Variants in ARIH1 observed in about 807,000 individuals in gnomAD.
ARIH1 encodes the protein E3 ubiquitin-protein ligase ARIH1.
A neutral mutation model predicts 85.0 loss-of-function variants in ARIH1; 8 were observed. The observed-to-expected ratio is 0.09, with a 90% CI of 0.06 to 0.17. The LOEUF is 0.17. ARIH1 is among the 10% of genes least tolerant of loss of function. ARIH1 has a pLI of 1.00. For synonymous variants in ARIH1, 238 were observed against 253.6 expected (o/e 0.94, Z 0.59); for missense variants, 311 against 718.1 (o/e 0.43, Z 6.48).
chr15:72,521,537 A>G (rs1419134223), intron 2 of ARIH1, among the ~76,000 whole-genome samples: 4 of 150,804 alleles, frequency 2.7e-5, no homozygotes, highest in Admixed American at 2.0e-4. Flanking sequence ...ATCTCTTTCC[A>G]TGTCTTCTAA....
chr15:72,494,587 A>G (rs2063872318), intron 1 of ARIH1, among the ~76,000 whole-genome samples: 1 of 152,138 alleles, frequency 6.6e-6, no homozygotes, highest in African/African-American at 2.4e-5. Flanking sequence ...TGCTGTTGAG[A>G]TGGACTTAAT....
At position 72,598,350 on chromosome 15, in the gene ARIH1, AG is replaced by A. The variant is rs1346064905; in HGVS notation, c.*15060del. Reference sequence around the variant, plus strand: ...TTTTGTTGTTGTTTGCTAGAGTGGGAGGTATATTCCTTGTGACTTTGTTCAT... The same window carrying A: ...TTTTGTTGTTGTTTGCTAGAGTGGGAGTATATTCCTTGTGACTTTGTTCAT... On this transcript the variant is annotated 3_prime_UTR_variant, in exon 14 of 14. Coordinates refer to ENST00000379887, the MANE Select transcript of ARIH1 (RefSeq NM_005744.5). 1 of 152,064 alleles carries A rather than the reference AG, an allele frequency of 6.6e-6. No individual in the cohort carries two copies. Among genetic ancestry groups the A allele is most frequent in the Non-Finnish European group, 1.5e-5 (1 of 68,018 alleles). 9.4% of individuals were successfully genotyped at this position (152,064 alleles called of 1,614,324 possible).
At chr15:72,522,971 A>G (rs930308160) in intron 2 of ARIH1, among the ~76,000 whole-genome samples, 8 of 152,220 alleles carry the variant, frequency 5.3e-5, no homozygotes, top group South Asian at 2.1e-4. Flanking sequence ...AGAATGGCCA[A>G]AATCAAAATA....
Position 72,596,935 on chromosome 15 carries a change from T to C in ARIH1, c.*13643T>C, listed in dbSNP as rs1344881732. The stretch of plus-strand genomic sequence containing the variant: ...ATTTTAATCAGTTATTTTATTGGGT[T>C]TTTTCTGTTTTTTCTTTCATTTTTA... On this transcript the variant is annotated 3_prime_UTR_variant, in exon 14 of 14. Transcript: ENST00000379887. 1 of 152,080 alleles carries C rather than the reference T, an allele frequency of 6.6e-6. No individual in the cohort carries two copies. The highest frequency in any genetic ancestry group is 2.4e-5 in the African/African-American group (1 of 41,420). The allele number at this position is 152,080 out of a possible 1,614,324, so 9.4% of individuals were successfully genotyped here.
intron 10 of ARIH1, among the ~76,000 whole-genome samples, chr15:72,571,546 T>C (rs1204965865): frequency 6.6e-6 from 1 of 152,154 alleles, no homozygotes; most frequent in Non-Finnish European, 1.5e-5. Context: ...CCATTCTGTA[T>C]ATCATGCAGT....
intron 5 of ARIH1, among the ~76,000 whole-genome samples, chr15:72,558,076 T>C (rs149781063): frequency 6.6e-6 from 1 of 152,326 alleles, no homozygotes; most frequent in East Asian, 1.9e-4. Flanking sequence ...TCCAGTACTA[T>C]GTTGAATAGG....
At chr15:72,522,488 A>G (rs1275264030) in intron 2 of ARIH1, among the ~76,000 whole-genome samples, 1 of 152,096 alleles carries the variant, frequency 6.6e-6, no homozygotes, top group Non-Finnish European at 1.5e-5. Context: ...CCATTGCACT[A>G]CAGCCTGGGC....
chr15:72,540,953 G>A (rs143929306), intron 2 of ARIH1, among the ~76,000 whole-genome samples: 10 of 152,188 alleles, frequency 6.6e-5, no homozygotes, highest in East Asian at 1.9e-4. Flanking sequence ...TGATGTGATC[G>A]GACCCAACAC....
At chr15:72,552,422 G>A (rs141205909) in intron 3 of ARIH1, among the ~76,000 whole-genome samples, 44 of 152,120 alleles carry the variant, frequency 2.9e-4, no homozygotes, top group African/African-American at 1.1e-3. Flanking sequence ...TGAGTAGCTG[G>A]GATTACAGGC....
At chr15:72,524,505 A>G (rs2064018273) in intron 2 of ARIH1, among the ~76,000 whole-genome samples, 1 of 152,208 alleles carries the variant, frequency 6.6e-6, no homozygotes, top group Non-Finnish European at 1.5e-5. Context: ...CGCCAGCCCA[A>G]GCTGGTCCAC....
At chr15:72,497,670 A>G (rs2063885285) in intron 1 of ARIH1, among the ~76,000 whole-genome samples, 2 of 152,290 alleles carry the variant, frequency 1.3e-5, no homozygotes, top group South Asian at 2.1e-4. Context: ...TGATGCAGAT[A>G]TTTGCATCAT....
Position 72,563,452 on chromosome 15 carries a change from A to G in ARIH1, c.863A>G (p.Gln288Arg), listed in dbSNP as rs1271592185. 6.2e-7 allele frequency: 1 copy of G among 1,614,018 alleles called. No homozygotes were observed. The highest frequency in any genetic ancestry group is 1.3e-5 in the African/African-American group (1 of 74,910). The stretch of plus-strand genomic sequence containing the variant: ...GATTGCCACCATGTTGTTAAAGTCC[A>G]ATATCCTGATGCTAAACCTGTTCGC... Reference protein sequence around the residue: ...APDCHHVVKVQYPDAKPVRCK... With the variant: ...APDCHHVVKVRYPDAKPVRCK... The change falls in exon 7 of 14, where the codon CAA (glutamine) becomes CGA (arginine). Residue 288 changes from glutamine to arginine, a missense_variant. Coordinates refer to ENST00000379887, the MANE Select transcript of ARIH1 (RefSeq NM_005744.5).
intron 3 of ARIH1, among the ~76,000 whole-genome samples, chr15:72,545,569 A>G (rs968987507): frequency 2.0e-5 from 3 of 152,354 alleles, no homozygotes; most frequent in East Asian, 1.9e-4. Flanking sequence ...GCTCATGCCT[A>G]TAATCCCAGC....
chr15:72,540,932 A>G (rs2064104283), intron 2 of ARIH1, among the ~76,000 whole-genome samples: 1 of 152,206 alleles, frequency 6.6e-6, no homozygotes, highest in Admixed American at 6.5e-5. Flanking sequence ...TCAGATTGAT[A>G]GTAAAAGTGT....
intron 10 of ARIH1, 98 bp downstream of exon 10, chr15:72,570,405 C>A: frequency 7.0e-7 from 1 of 1,435,338 alleles, no homozygotes; most frequent in Non-Finnish European, 9.6e-7. Context: ...ATCTAACTTG[C>A]AAGCTAAATA....
rs1285208184 is a variant in ARIH1, at chr15:72,584,407, A to G, written c.*1115A>G. ...TAAGTCCCCTGTCGCATCCAGTGGA[A>G]GCATTTTAAAATTTCTTTTACTTTT... On this transcript the variant is annotated 3_prime_UTR_variant, in exon 14 of 14. Transcript: ENST00000379887. 6.6e-5 allele frequency: 10 copies of G among 152,240 alleles called. No homozygotes were observed. The highest frequency in any genetic ancestry group is 1.2e-4 in the Non-Finnish European group (8 of 68,062). The allele number at this position is 152,240 out of a possible 1,614,324, so 9.4% of individuals were successfully genotyped here. A position where few individuals can be genotyped will look rare whatever the true frequency, so the allele number is the denominator to read the frequency against.
intron 1 of ARIH1, 33 bp from the exon 2 acceptor site, chr15:72,518,034 C>G (rs747226297): frequency 1.3e-6 from 2 of 1,548,634 alleles, no homozygotes; most frequent in Non-Finnish European, 1.8e-6. Flanking sequence ...GTGCTATTAC[C>G]TTAAAATGAC....
At chr15:72,517,945 A>G (rs2063982544) in intron 1 of ARIH1, 122 bp from the exon 2 acceptor site, 2 of 640,648 alleles carry the variant, frequency 3.1e-6, no homozygotes, top group East Asian at 5.5e-5. Context: ...GAATAAAGAA[A>G]TAACTCTAGG....
chr15:72,480,948 ACAT>A (rs1030225067), intron 1 of ARIH1, among the ~76,000 whole-genome samples: 2 of 152,238 alleles, frequency 1.3e-5, no homozygotes, highest in East Asian at 3.9e-4. Context: ...TATTCGTTTA[ACAT>A]CATTTTAAAA....
Sources: allele counts gnomAD v4.1 joint callset (sites outside exome capture counted in the v4.1 genomes callset), GRCh38; gene constraint gnomAD v4.1.1; transcripts MANE v1.5; gene names NCBI Gene and HGNC (gene_info 2026-07-23, HGNC 2026-07-21).